DAP3: variants seen among roughly 807,000 people sequenced by gnomAD.
The protein encoded by DAP3 is small ribosomal subunit protein mS29.
In DAP3, 28 loss-of-function variants were observed where a neutral mutation model predicts 51.9. That is an observed-to-expected ratio of 0.54 (90% CI 0.40 to 0.74). The LOEUF is 0.74. Among genes scored for constraint, DAP3 ranks in the 30% least tolerant of loss-of-function variants. The pLI is 0.00. For synonymous variants in DAP3, 170 were observed against 170.3 expected (o/e 1.00, Z 0.01); for missense variants, 458 against 483.5 (o/e 0.95, Z 0.49).
chr1:155,700,264 A>C lies in DAP3; in HGVS notation c.-7-9509A>C, dbSNP rs764649617. On this transcript the variant is annotated intron_variant, in intron 1 of 12. Transcript: ENST00000368336. The stretch of plus-strand genomic sequence containing the variant: ...GTTGACTTTATTGTTAAGTTGTAAG[A>C]GTTCTTTATATATTATGGATATAAG... 3.3e-5 allele frequency among the ~76,000 whole-genome samples: 5 copies of C among 152,174 alleles called. No homozygotes were observed. In the East Asian group the frequency reaches 9.6e-4, roughly 29 times the overall value.
At chr1:155,705,037 A>G (rs1655771816) in intron 1 of DAP3, among the ~76,000 whole-genome samples, 1 of 152,152 alleles carries the variant, frequency 6.6e-6, no homozygotes, top group South Asian at 2.1e-4. Context: ...CATACCTGTA[A>G]TCCCAGCACT....
In DAP3 at chr1:155,729,384, C is replaced by T. The variant is rs1344031923; in HGVS notation, c.843+18C>T. ...AAAGCCCGGTAGGAAAACTGGGTGT[C>T]TCTATCTTGTTTCTCTGATTTCTGA... On this transcript the variant is annotated intron_variant, in intron 9 of 12. Coordinates refer to ENST00000368336, the MANE Select transcript of DAP3 (RefSeq NM_004632.4). 6.2e-7 allele frequency: 1 copy of T among 1,611,512 alleles called. No individual in the cohort carries two copies. The highest frequency in any genetic ancestry group is 1.3e-5 in the African/African-American group (1 of 74,700).
chr1:155,688,832 G>A (rs1360928285), upstream of DAP3: 3 of 1,579,066 alleles, frequency 1.9e-6, no homozygotes, highest in East Asian at 2.3e-5. Flanking sequence ...ATTCCTGGCG[G>A]CTGCAGGGGC....
chr1:155,710,588 A>G (rs2149148157), intron 2 of DAP3: 1 of 152,246 alleles, frequency 6.6e-6, no homozygotes, highest in South Asian at 2.1e-4. Flanking sequence ...TTCACTAATA[A>G]TAGTTATTAT....
intron 3 of DAP3, 136 bp downstream of exon 3, chr1:155,717,264 C>A: frequency 7.4e-7 from 1 of 1,354,570 alleles, no homozygotes; most frequent in Non-Finnish European, 1.0e-6. Context: ...TGAGATAGCA[C>A]TCTGGAACCC....
intron 2 of DAP3, among the ~76,000 whole-genome samples, chr1:155,712,339 A>G (rs1342870627): frequency 1.8e-4 from 27 of 152,176 alleles, no homozygotes; most frequent in Admixed American, 1.8e-3. Context: ...TAGGCCAGGC[A>G]TGGTGGCTTA....
chr1:155,735,346 C>T (rs1183648291), intron 11 of DAP3, among the ~76,000 whole-genome samples: 2 of 151,930 alleles, frequency 1.3e-5, no homozygotes, highest in South Asian at 2.1e-4. Flanking sequence ...GAGGCCAGGG[C>T]GGGCGGATCA....
chr1:155,709,503 G>C (rs1053619181), intron 1 of DAP3, among the ~76,000 whole-genome samples: 4 of 151,868 alleles, frequency 2.6e-5, no homozygotes, highest in African/African-American at 9.7e-5. Flanking sequence ...AATGGTATCT[G>C]GTTTTCATCA....
intron 4 of DAP3, among the ~76,000 whole-genome samples, chr1:155,724,787 T>C (rs1557790041): frequency 6.6e-6 from 1 of 151,976 alleles, no homozygotes; most frequent in Non-Finnish European, 1.5e-5. Context: ...AGAAACTCCT[T>C]CTGTACTAAA....
rs930724668 is a variant in DAP3 at position 155,736,976 on chromosome 1, C to T, written c.1024C>T (p.Pro342Ser). The change falls in exon 12 of 13, where the codon CCC becomes TCC. Residue 342 changes from proline (P) to serine (S), a missense_variant. Coordinates refer to ENST00000368336, the MANE Select transcript of DAP3 (RefSeq NM_004632.4). ...ATTTGATGCCCTGGATCCCTTTATT[C>T]CCATCCTGGTTTCCAACTATAACCC... ...EGFDALDPFI[P>S]ILVSNYNPKE... 1.2e-6 allele frequency: 2 copies of T among 1,614,072 alleles called. No homozygotes were observed. The highest frequency in any genetic ancestry group is 2.2e-5 in the South Asian group (2 of 91,076).
In DAP3 at chr1:155,721,565, C is replaced by A. The variant is rs758124736; in HGVS notation, c.217C>A (p.Gln73Lys). The change falls in exon 4 of 13, where the codon CAG becomes AAG. Residue 73 changes from glutamine (Q) to lysine (K), a missense_variant. Coordinates refer to ENST00000368336, the MANE Select transcript of DAP3 (RefSeq NM_004632.4). ...HEGQHYNISPQDLETVFPHGL... is the reference protein window; with the variant it reads ...HEGQHYNISPKDLETVFPHGL... ...GGGTCAGCACTACAACATCTCCCCC[C>A]AGGATTTGGAGACTGTATTTCCCCA... The A allele has an allele frequency of 1.9e-6, 3 of 1,614,078 alleles. No homozygotes were observed. Among genetic ancestry groups the A allele is most frequent in the Non-Finnish European group, 2.5e-6 (3 of 1,180,036 alleles).
Position 155,729,088 on chromosome 1 carries a change from A to C in DAP3, c.650A>C (p.Glu217Ala), listed in dbSNP as rs781370831. 1 of 1,614,164 alleles carries C rather than the reference A, an allele frequency of 6.2e-7. No homozygotes were observed. Among genetic ancestry groups the C allele is most frequent in the South Asian group, 1.1e-5 (1 of 91,084 alleles). The change falls in exon 8 of 13, where the codon GAG becomes GCG. Residue 217 changes from glutamate to alanine, a missense_variant. Transcript: ENST00000368336. ...GTCTGGAATAAGAGAGAAAGCACTG[A>C]GAAAGGGAGTCCTCTGGGAGAAGTG... ...KYVWNKREST[E>A]KGSPLGEVVE...
intron 4 of DAP3, among the ~76,000 whole-genome samples, chr1:155,723,964 G>A (rs377186445): frequency 1.5e-3 from 230 of 151,814 alleles, no homozygotes; most frequent in African/African-American, 5.3e-3. Context: ...GCTTGAACCC[G>A]GGAGGCGGAG....
At position 155,731,354 on chromosome 1, in the gene DAP3, A is replaced by G; in HGVS notation, c.844-2A>G. 2 of 1,613,952 alleles carry G rather than the reference A, an allele frequency of 1.2e-6. No individual in the cohort carries two copies. Among genetic ancestry groups the G allele is most frequent in the Non-Finnish European group, 1.7e-6 (2 of 1,179,890 alleles). ...TCTTCTCTCTTTCTGTCCGATATGC[A>G]GATTGCCCCCGAGGAATTAGCACTT... On this transcript the variant is annotated splice_acceptor_variant, in intron 9 of 12. Transcript: ENST00000368336. LOFTEE classifies it high-confidence loss of function.
intron 10 of DAP3, 84 bp downstream of exon 10, chr1:155,731,499 T>C (rs1424379022): frequency 1.5e-6 from 2 of 1,360,448 alleles, no homozygotes; most frequent in Non-Finnish European, 2.1e-6. Context: ...TGCTAATACT[T>C]TACAGTCTCT....
At chr1:155,736,904 G>T in intron 11 of DAP3, 42 bp from the exon 12 acceptor site, 3 of 1,490,722 alleles carry the variant, frequency 2.0e-6, no homozygotes, top group African/African-American at 2.8e-5. Flanking sequence ...CTGGTGCTTT[G>T]TTCCTTAACT....
At chr1:155,705,022 T>C (rs1655770583) in intron 1 of DAP3, among the ~76,000 whole-genome samples, 1 of 152,180 alleles carries the variant, frequency 6.6e-6, no homozygotes. Context: ...CCAAGTGCGA[T>C]GGCTCATACC....
intron 2 of DAP3, among the ~76,000 whole-genome samples, chr1:155,715,737 T>G (rs2149162079): frequency 6.6e-6 from 1 of 152,326 alleles, no homozygotes; most frequent in East Asian, 1.9e-4. Flanking sequence ...AGCTCAGTTT[T>G]GGGGTTTTTC....
At chr1:155,721,477 C>G in intron 3 of DAP3, 40 bp from the exon 4 acceptor site, 1 of 1,600,456 alleles carries the variant, frequency 6.2e-7, no homozygotes, top group Non-Finnish European at 8.6e-7. Flanking sequence ...GTCTTGGTCA[C>G]TTTGTCACCA....
Sources: allele counts gnomAD v4.1 joint callset (sites outside exome capture counted in the v4.1 genomes callset), GRCh38; gene constraint gnomAD v4.1.1; transcripts MANE v1.5; gene names NCBI Gene and HGNC (gene_info 2026-07-23, HGNC 2026-07-21).